ZNF69: variants seen among roughly 807,000 people sequenced by gnomAD.
ZNF69 encodes the protein zinc finger protein 69.
In ZNF69, 47 loss-of-function variants were observed where a neutral mutation model predicts 50.9. That is an observed-to-expected ratio of 0.92 (90% CI 0.73 to 1.18). ZNF69 has a LOEUF of 1.18. ZNF69 is among the 50% of genes most tolerant of loss of function. The probability of loss-of-function intolerance (pLI) is 0.00; values close to 1 mark genes in which losing one functional copy is unlikely to be tolerated. For synonymous variants in ZNF69, 216 were observed against 223.1 expected, an observed-to-expected ratio of 0.97 and a Z score of 0.29; for missense variants, 717 against 675.1, an observed-to-expected ratio of 1.06 and a Z score of -0.69.
At chr19:11,963,088 A>AGAGAGAGAGAGAGAGTGTGTGT in the ZNF69 span, among the ~76,000 whole-genome samples, 2 of 138,248 alleles carry the variant, frequency 1.4e-5, no homozygotes, top group Admixed American at 7.0e-5. Context: ...AGAGAGAGAG[A>AGAGAGAGAGAGAGAGTGTGTGT]GTGTGTGTGT....
chr19:11,946,395 G>A, the ZNF69 span, among the ~76,000 whole-genome samples: 1 of 152,110 alleles, frequency 6.6e-6, no homozygotes, highest in Non-Finnish European at 1.5e-5. Flanking sequence ...CCTGCCATGG[G>A]TCCTCTGACA....
the ZNF69 span, among the ~76,000 whole-genome samples, chr19:11,942,417 G>A: frequency 6.6e-6 from 1 of 152,040 alleles, no homozygotes; most frequent in Admixed American, 6.6e-5. Context: ...AGTCCAAAGA[G>A]ACATTAGGGA....
intron 1 of ZNF69, among the ~76,000 whole-genome samples, chr19:11,894,177 C>CT (rs941214526): frequency 1.5e-4 from 22 of 150,100 alleles, no homozygotes; most frequent in Admixed American, 3.3e-4. Context: ...AAACAGAGAT[C>CT]TTTTTTTTTT....
intron 1 of ZNF69, among the ~76,000 whole-genome samples, chr19:11,899,544 G>A (rs1049213827): frequency 1.3e-5 from 2 of 152,198 alleles, no homozygotes; most frequent in Admixed American, 6.5e-5. Context: ...TCATCCCTGA[G>A]TTCCCAGCAC....
chr19:11,960,824 G>A, the ZNF69 span, among the ~76,000 whole-genome samples: 2 of 151,900 alleles, frequency 1.3e-5, no homozygotes, highest in African/African-American at 2.4e-5. Flanking sequence ...CAGCTACCTC[G>A]ATGTCCCTTC....
chr19:11,957,460 G>C, the ZNF69 span, among the ~76,000 whole-genome samples: 1 of 152,052 alleles, frequency 6.6e-6, no homozygotes, highest in Non-Finnish European at 1.5e-5. Context: ...GTCATAAAAA[G>C]AGTCTAGGTA....
At chr19:11,942,469 A>T in the ZNF69 span, among the ~76,000 whole-genome samples, 1 of 152,152 alleles carries the variant, frequency 6.6e-6, no homozygotes, top group Non-Finnish European at 1.5e-5. Context: ...TTGTAGCAGG[A>T]CAAGCCGCAG....
At chr19:11,898,293 A>G (rs1972170097) in intron 1 of ZNF69, among the ~76,000 whole-genome samples, 1 of 150,118 alleles carries the variant, frequency 6.7e-6, no homozygotes, top group Non-Finnish European at 1.5e-5. Flanking sequence ...AATGGGTTTT[A>G]TTATTTAGAA....
intron 1 of ZNF69, among the ~76,000 whole-genome samples, chr19:11,898,662 T>G (rs1449115320): frequency 6.6e-6 from 1 of 152,154 alleles, no homozygotes; most frequent in African/African-American, 2.4e-5. Flanking sequence ...GTGCTGGGAT[T>G]ACAGGCGTGA....
the ZNF69 span, among the ~76,000 whole-genome samples, chr19:11,972,448 T>C: frequency 6.6e-6 from 1 of 152,206 alleles, no homozygotes; most frequent in African/African-American, 2.4e-5. Flanking sequence ...AGTAAAAATA[T>C]TACATATGCA....
At chr19:11,967,629 TC>T in the ZNF69 span, among the ~76,000 whole-genome samples, 1 of 152,064 alleles carries the variant, frequency 6.6e-6, no homozygotes, top group African/African-American at 2.4e-5. Context: ...GGTCTCAATC[TC>T]CTGACCTCGT....
the ZNF69 span, among the ~76,000 whole-genome samples, chr19:11,968,733 A>G: frequency 9.9e-5 from 15 of 152,252 alleles, no homozygotes; most frequent in Non-Finnish European, 2.2e-4. Flanking sequence ...TCAGTAGTAG[A>G]GAGGGGCCTG....
the ZNF69 span, chr19:11,980,027 C>T: frequency 6.5e-5 from 70 of 1,084,490 alleles, no homozygotes; most frequent in African/African-American, 8.2e-4. Flanking sequence ...CACTTCTTTT[C>T]GATAACATGA....
At chr19:11,924,971 T>C in the ZNF69 span, 3 of 454,926 alleles carry the variant, frequency 6.6e-6, no homozygotes, top group East Asian at 4.6e-5. Context: ...TCCGTCAGTC[T>C]GGCTCTGCGG....
chr19:11,945,595 C>T, the ZNF69 span, among the ~76,000 whole-genome samples: 11 of 152,100 alleles, frequency 7.2e-5, no homozygotes, highest in East Asian at 1.9e-4. Context: ...TCTGTAGGTA[C>T]GGGGGTTTGG....
the ZNF69 span, among the ~76,000 whole-genome samples, chr19:11,958,847 A>G: frequency 9.2e-5 from 14 of 152,300 alleles, no homozygotes; most frequent in African/African-American, 3.4e-4. Context: ...CTCTTTCTGC[A>G]TGCATCAGAT....
At chr19:11,940,791 C>T in the ZNF69 span, among the ~76,000 whole-genome samples, 10 of 152,076 alleles carry the variant, frequency 6.6e-5, no homozygotes, top group South Asian at 4.1e-4. Flanking sequence ...CTGATTGGTG[C>T]GTTTACAATC....
At chr19:11,920,661 G>T in the ZNF69 span, among the ~76,000 whole-genome samples, 3 of 151,852 alleles carry the variant, frequency 2.0e-5, no homozygotes, top group Non-Finnish European at 4.4e-5. Flanking sequence ...GCTGAGGGGG[G>T]TGCATCACCT....
At chr19:11,954,381 C>G in the ZNF69 span, among the ~76,000 whole-genome samples, 1 of 152,168 alleles carries the variant, frequency 6.6e-6, no homozygotes, top group Admixed American at 6.5e-5. Flanking sequence ...TTCAGACTTT[C>G]ATTTAGAATT....
Sources: allele counts gnomAD v4.1 joint callset (sites outside exome capture counted in the v4.1 genomes callset), GRCh38; gene constraint gnomAD v4.1.1; transcripts MANE v1.5; gene names NCBI Gene and HGNC (gene_info 2026-07-23, HGNC 2026-07-21).